APOL4: variants seen among roughly 807,000 people sequenced by gnomAD.
APOL4 encodes apolipoprotein L4, also known as apolipoprotein L, 4.
A neutral mutation model predicts 12.1 loss-of-function variants in APOL4; 14 were observed. The ratio of observed to expected loss-of-function variants is 1.16; its 90% CI spans 0.76 to 1.81. The LOEUF is 1.81. Among genes scored for constraint, APOL4 ranks in the 40% most tolerant of loss-of-function variants. The pLI, the probability that APOL4 is intolerant of heterozygous loss-of-function variation, is 0.00. For missense variants in APOL4, 432 were observed against 423.1 expected, an observed-to-expected ratio of 1.02 and a Z score of -0.18; for synonymous variants, 171 against 160.6, an observed-to-expected ratio of 1.06 and a Z score of -0.49.
At chr22:36,195,265 G>A (rs1031809098) in intron 3 of APOL4, 46 bp downstream of exon 3, 2 of 1,594,096 alleles carry the variant, frequency 1.3e-6, no homozygotes, top group East Asian at 2.2e-5. Flanking sequence ...GGAGATCTGG[G>A]TGGCATCACC....
At position 36,195,449 on chromosome 22, in the gene APOL4, C is replaced by T. The variant is rs774432671; in HGVS notation, c.83-12G>A. The T allele has an allele frequency of 1.9e-5, 30 of 1,609,152 alleles. No individual in the cohort carries two copies. The South Asian group carries it at 2.8e-4, about 15-fold the overall frequency. ...GAAGCGTTTCTTTTCTAGTTGGAAA[C>T]AAAAAGGATAAGATTGGAAGAAAGT... is the stretch of plus-strand genomic sequence containing the variant. On this transcript the variant is annotated splice_polypyrimidine_tract_variant and intron_variant, in intron 2 of 3. Coordinates refer to ENST00000683024, the MANE Select transcript of APOL4 (RefSeq NM_001386885.1).
chr22:36,192,779 A>G (rs2014298979), intron 3 of APOL4, among the ~76,000 whole-genome samples: 1 of 152,138 alleles, frequency 6.6e-6, no homozygotes, highest in Admixed American at 6.5e-5. Context: ...TAGGGCTATT[A>G]GGTGTCTCAT....
chr22:36,202,450 G>A (rs537710960), upstream of APOL4, among the ~76,000 whole-genome samples: 3 of 152,134 alleles, frequency 2.0e-5, no homozygotes, highest in Non-Finnish European at 2.9e-5. Context: ...AAATCAGGCC[G>A]GGAGCGGTGG....
At chr22:36,194,637 AG>A (rs2014352537) in intron 3 of APOL4, among the ~76,000 whole-genome samples, 1 of 152,202 alleles carries the variant, frequency 6.6e-6, no homozygotes, top group Non-Finnish European at 1.5e-5. Context: ...GGCAGGTCCC[AG>A]TCTCCAAGAC....
Position 36,191,286 on chromosome 22 carries a change from G to T in APOL4, c.836C>A (p.Thr279Asn), listed in dbSNP as rs2014238912. Residue 279 changes from threonine to asparagine, a missense_variant, in exon 4 of 4, where the codon ACC becomes AAC. Thr to Asn is a moderately conservative substitution (Grantham distance 65, BLOSUM62 0). Transcript: ENST00000683024. Reference sequence around the variant, plus strand: ...CCGGGCTACTTTTCTCACTATCCGGGTGGGGGCCCCACGTGTTCTCAGTGT... The same window carrying T: ...CCGGGCTACTTTTCTCACTATCCGGTTGGGGGCCCCACGTGTTCTCAGTGT... The part of the protein sequence containing the change: ...VETLRTRGAP[T>N]RIVRKVARNL... 6.2e-7 allele frequency: 1 copy of T among 1,613,908 alleles called. No individual in the cohort carries two copies. The highest frequency in any genetic ancestry group is 1.7e-5 in the Admixed American group (1 of 60,002).
intron 3 of APOL4, 168 bp downstream of exon 3, chr22:36,195,143 C>T: frequency 2.3e-6 from 2 of 858,898 alleles, no homozygotes; most frequent in Non-Finnish European, 3.4e-6. Flanking sequence ...CACTCACTGC[C>T]AGCGAAGCAC....
Position 36,191,751 on chromosome 22 carries a change from C to T in APOL4, c.371G>A (p.Arg124His), listed in dbSNP as rs371910438. The stretch of plus-strand genomic sequence containing the variant: ...CTTTTCAATCTCATTTGCAATGACA[C>T]GAAGCCTTTCTATGGACTCCTGAAT... ...WKIQESIERL[R>H]VIANEIEKVH... Residue 124 changes from arginine to histidine, a missense_variant, in exon 4 of 4, where the codon CGT (arginine) becomes CAT (histidine). Coordinates refer to ENST00000683024, the MANE Select transcript of APOL4 (RefSeq NM_001386885.1). The T allele has an allele frequency of 7.4e-6, 12 of 1,613,904 alleles. No individual in the cohort carries two copies. Among genetic ancestry groups the T allele is most frequent in the East Asian group, 2.2e-5 (1 of 44,896 alleles).
At chr22:36,202,303 C>A (rs2014607300), upstream of APOL4, among the ~76,000 whole-genome samples, 1 of 152,168 alleles carries the variant, frequency 6.6e-6, no homozygotes, top group Non-Finnish European at 1.5e-5. Context: ...ATAGAGACAG[C>A]ATCTCCTGTG....
At position 36,191,419 on chromosome 22, in the gene APOL4, C is replaced by A; in HGVS notation, c.703G>T (p.Glu235Ter). The change falls in exon 4 of 4, where the codon GAA (glutamate) becomes TAA (stop). Residue 235 changes from glutamate (E) to a stop codon, truncating the protein, a stop_gained. Coordinates refer to ENST00000683024, the MANE Select transcript of APOL4 (RefSeq NM_001386885.1). LOFTEE classifies it low-confidence loss of function (END_TRUNC). ...NVLSFALDFD[E>*]ATKMIANDVH... ...TCATTCGCAATCATTTTTGTGGCTT[C>A]GTCAAAATCAAGTGCAAAAGAAAGC... 6.2e-7 allele frequency: 1 copy of A among 1,614,030 alleles called. No individual in the cohort carries two copies. Among genetic ancestry groups the A allele is most frequent in the Middle Eastern group, 1.6e-4 (1 of 6,062 alleles).
chr22:36,198,704 C>T (rs978366071), intron 2 of APOL4, among the ~76,000 whole-genome samples: 1 of 152,166 alleles, frequency 6.6e-6, no homozygotes, highest in Admixed American at 6.5e-5. Flanking sequence ...AATGTTTGAT[C>T]CTCATGACAA....
chr22:36,199,202 A>C (rs1603478480), intron 2 of APOL4, 128 bp downstream of exon 2: 2 of 1,322,310 alleles, frequency 1.5e-6, no homozygotes, highest in Middle Eastern at 4.7e-4. Flanking sequence ...CTCATCAGCC[A>C]CCTCCGTCTG....
upstream of APOL4, chr22:36,201,951 G>A (rs539491769): frequency 4.3e-6 from 7 of 1,613,912 alleles, no homozygotes; most frequent in Admixed American, 5.0e-5. Flanking sequence ...AGCCCAGACA[G>A]GGAGCCCTCC....
chr22:36,201,983 C>G, upstream of APOL4: 2 of 1,614,108 alleles, frequency 1.2e-6, no homozygotes, highest in Non-Finnish European at 8.5e-7. Flanking sequence ...GGGCTCTGAG[C>G]CAAGCTCACC....
At chr22:36,197,399 C>CT (rs1245124587) in intron 2 of APOL4, 1 of 462,352 alleles carries the variant, frequency 2.2e-6, no homozygotes, top group Non-Finnish European at 3.6e-6. Context: ...CTTGTTTTTT[C>CT]TTTTTCCTTC....
At chr22:36,202,675 G>C (rs2014618748), upstream of APOL4, among the ~76,000 whole-genome samples, 1 of 151,434 alleles carries the variant, frequency 6.6e-6, no homozygotes, top group Non-Finnish European at 1.5e-5. Context: ...GCAGTGAGCA[G>C]AGATTGCGCC....
At position 36,195,268 on chromosome 22, in the gene APOL4, G is replaced by A. The variant is rs114021047; in HGVS notation, c.209+43C>T. 6.0e-4 allele frequency: 956 copies of A among 1,594,866 alleles called. 5 individuals carry two copies. In the African/African-American group the frequency reaches 0.011, roughly 18 times the overall value. ...AAACTAGCCCGGGGAGATCTGGGTG[G>A]CATCACCGGGGTGCCCCAAGGAGGT... On this transcript the variant is annotated intron_variant, in intron 3 of 3. Transcript: ENST00000683024.
chr22:36,195,114 T>A, intron 3 of APOL4, 197 bp downstream of exon 3: 1 of 607,014 alleles, frequency 1.6e-6, no homozygotes, highest in East Asian at 3.2e-5. Context: ...GTGGGCTTCT[T>A]CTCCCCTCAG....
chr22:36,191,935 A>G, intron 3 of APOL4, 23 bp from the exon 4 acceptor site: 2 of 1,542,410 alleles, frequency 1.3e-6, no homozygotes, highest in South Asian at 1.2e-5. Context: ...AGGACAGATG[A>G]TTAAGAAAGG....
At chr22:36,199,580 C>A (rs1316112822) in intron 1 of APOL4, 9 of 1,561,324 alleles carry the variant, frequency 5.8e-6, no homozygotes, top group Non-Finnish European at 6.1e-6. Context: ...TCTTCCCTCA[C>A]TCTCACACCA....
Sources: allele counts gnomAD v4.1 joint callset (sites outside exome capture counted in the v4.1 genomes callset), GRCh38; gene constraint gnomAD v4.1.1; transcripts MANE v1.5; gene names NCBI Gene and HGNC (gene_info 2026-07-23, HGNC 2026-07-21).